Variants in ENOX1 observed in about 807,000 individuals in gnomAD.
The protein encoded by ENOX1 is candidate growth-related and time keeping constitutive hydroquinone (NADH) oxidase.
Under a neutral mutation model 82.5 loss-of-function variants are expected in ENOX1, and 42 were observed. That is an observed-to-expected ratio of 0.51 (90% CI 0.40 to 0.66). The LOEUF (loss-of-function observed/expected upper bound fraction) is 0.66, where lower values mean the gene tolerates loss of function less well. Among genes scored for constraint, ENOX1 ranks in the 30% least tolerant of loss-of-function variants. The pLI is 0.00. For synonymous variants in ENOX1, 271 were observed against 282.2 expected, an observed-to-expected ratio of 0.96 and a Z score of 0.40; for missense variants, 608 against 811.6, an observed-to-expected ratio of 0.75 and a Z score of 3.05.
At chr13:43,630,388 G>GA (rs1432724584) in intron 2 of ENOX1, among the ~76,000 whole-genome samples, 17 of 152,068 alleles carry the variant, frequency 1.1e-4, no homozygotes, top group Non-Finnish European at 4.4e-5. Flanking sequence ...ACACTGGTGT[G>GA]AAAAGAGTAT....
rs77371473 is a variant in ENOX1, at chr13:43,644,066, A to T, written c.-219+23413T>A. ...AATCCCAAACTGCCATTGCTCTTTTAGTCATCTTAATTAATTGTAATTAGT... is the reference window on the plus strand; with the variant it reads ...AATCCCAAACTGCCATTGCTCTTTTTGTCATCTTAATTAATTGTAATTAGT... On this transcript the variant is annotated intron_variant, in intron 2 of 16. Transcript: ENST00000690772. Among the ~76,000 whole-genome samples the T allele has an allele frequency of 8.2e-3, 1,245 of 152,288 alleles. 3 individuals are homozygous for T. The highest frequency in any genetic ancestry group is 0.024 in the Middle Eastern group (7 of 294).
chr13:43,664,822 T>G (rs1227400964), intron 2 of ENOX1, among the ~76,000 whole-genome samples: 1 of 152,356 alleles, frequency 6.6e-6, no homozygotes, highest in Admixed American at 6.5e-5. Context: ...TATTTGCTGT[T>G]TGATTTACCA....
intron 14 of ENOX1, among the ~76,000 whole-genome samples, chr13:43,260,280 CTTTT>C (rs1014011117): frequency 6.6e-6 from 1 of 151,824 alleles, no homozygotes; most frequent in African/African-American, 2.4e-5. Flanking sequence ...AGTCTTTTTT[CTTTT>C]GTGTTTTTGT....
At chr13:43,478,054 G>GTTTTTTTTTTT (rs756717438) in intron 3 of ENOX1, among the ~76,000 whole-genome samples, 2 of 100,450 alleles carry the variant, frequency 2.0e-5, no homozygotes, top group African/African-American at 7.9e-5. Flanking sequence ...AGCCAGAGAG[G>GTTTTTTTTTTT]TTTTTTTTTT....
chr13:43,334,152 G>A (rs2048569160), intron 9 of ENOX1, among the ~76,000 whole-genome samples: 1 of 152,210 alleles, frequency 6.6e-6, no homozygotes, highest in Non-Finnish European at 1.5e-5. Flanking sequence ...TCCAAGGCAT[G>A]CTAAAGTTTG....
intron 1 of ENOX1, among the ~76,000 whole-genome samples, chr13:43,754,709 TGAGTAGCTG>T (rs1367488388): frequency 2.0e-5 from 3 of 152,038 alleles, no homozygotes; most frequent in African/African-American, 7.2e-5. Flanking sequence ...CTCAGTCTCC[TGAGTAGCTG>T]GGGTGACAGG....
intron 2 of ENOX1, among the ~76,000 whole-genome samples, chr13:43,487,481 CACCTA>C (rs1256922157): frequency 3.9e-5 from 6 of 151,956 alleles, no homozygotes; most frequent in African/African-American, 9.7e-5. Context: ...TGAAAGTAGA[CACCTA>C]ACCTAACAAC....
rs1359421724 is a variant in ENOX1, at chr13:43,221,238, A to T, written c.1800+2815T>A. On this transcript the variant is annotated intron_variant, in intron 16 of 16. Transcript: ENST00000690772. Reference sequence around the variant, plus strand: ...GCAACCAGACACGCTTGGAAAACTGAGCCTTCATCTCCTAAAGGATATATA... The same window carrying T: ...GCAACCAGACACGCTTGGAAAACTGTGCCTTCATCTCCTAAAGGATATATA... 7.9e-5 allele frequency among the ~76,000 whole-genome samples: 12 copies of T among 152,310 alleles called. No individual in the cohort carries two copies. The South Asian group carries it at 2.5e-3, about 32-fold the overall frequency.
chr13:43,379,948 TA>T, intron 5 of ENOX1, among the ~76,000 whole-genome samples: 1 of 151,950 alleles, frequency 6.6e-6, no homozygotes, highest in African/African-American at 2.4e-5. Flanking sequence ...GGAACTAAGA[TA>T]AAAATAAGAG....
At chr13:43,408,112 C>A (rs530806502) in intron 5 of ENOX1, among the ~76,000 whole-genome samples, 1 of 151,964 alleles carries the variant, frequency 6.6e-6, no homozygotes, top group Admixed American at 6.6e-5. Flanking sequence ...AGCAGAATCA[C>A]GGTGAGAGGA....
intron 3 of ENOX1, among the ~76,000 whole-genome samples, chr13:43,482,653 G>A (rs1322060789): frequency 2.0e-5 from 3 of 150,016 alleles, no homozygotes; most frequent in Admixed American, 6.6e-5. Context: ...CACAATAAAT[G>A]AAAAAAAAAA....
At chr13:43,379,456 T>G (rs2051878093) in intron 5 of ENOX1, among the ~76,000 whole-genome samples, 1 of 152,060 alleles carries the variant, frequency 6.6e-6, no homozygotes, top group Non-Finnish European at 1.5e-5. Flanking sequence ...TTTAACATAT[T>G]AAATAGAGAG....
chr13:43,222,549 C>CT (rs1267897102), intron 16 of ENOX1, among the ~76,000 whole-genome samples: 3 of 152,192 alleles, frequency 2.0e-5, no homozygotes, highest in Admixed American at 2.0e-4. Context: ...ACAGCTGCTT[C>CT]TCAACAAAGG....
At chr13:43,534,121 A>T (rs1236512435) in intron 2 of ENOX1, among the ~76,000 whole-genome samples, 1 of 151,214 alleles carries the variant, frequency 6.6e-6, no homozygotes, top group Non-Finnish European at 1.5e-5. Flanking sequence ...AATCCAACAT[A>T]CCCTTTCCGT....
intron 2 of ENOX1, among the ~76,000 whole-genome samples, chr13:43,557,590 C>T (rs939717991): frequency 6.6e-6 from 1 of 152,134 alleles, no homozygotes; most frequent in Admixed American, 6.5e-5. Flanking sequence ...AGAAATAGCA[C>T]CCCACTTCCA....
At chr13:43,720,014 G>A (rs749483240) in intron 1 of ENOX1, among the ~76,000 whole-genome samples, 3 of 152,072 alleles carry the variant, frequency 2.0e-5, no homozygotes, top group Non-Finnish European at 4.4e-5. Context: ...AATTCAAGAT[G>A]TATATCTTTA....
intron 2 of ENOX1, among the ~76,000 whole-genome samples, chr13:43,524,964 T>G (rs1380750007): frequency 6.6e-6 from 1 of 152,144 alleles, no homozygotes; most frequent in South Asian, 2.1e-4. Context: ...TAGAATGATA[T>G]AGGGCACTCT....
intron 5 of ENOX1, among the ~76,000 whole-genome samples, chr13:43,364,680 C>T (rs1008190914): frequency 1.5e-5 from 2 of 130,242 alleles, no homozygotes; most frequent in Non-Finnish European, 3.3e-5. Flanking sequence ...TTAATTAAAG[C>T]ACTCATTCAT....
At chr13:43,606,136 T>C (rs1246976967) in intron 2 of ENOX1, among the ~76,000 whole-genome samples, 5 of 152,098 alleles carry the variant, frequency 3.3e-5, no homozygotes, top group African/African-American at 1.2e-4. Flanking sequence ...TAAAATGTCT[T>C]TTAGCCAAAA....
Sources: allele counts gnomAD v4.1 joint callset (sites outside exome capture counted in the v4.1 genomes callset), GRCh38; gene constraint gnomAD v4.1.1; transcripts MANE v1.5; gene names NCBI Gene and HGNC (gene_info 2026-07-23, HGNC 2026-07-21).